Variants in TENM3 observed in about 807,000 individuals in gnomAD.
TENM3 encodes the protein teneurin-3.
A neutral mutation model predicts 255.1 loss-of-function variants in TENM3; 63 were observed. The ratio of observed to expected loss-of-function variants is 0.25; its 90% CI spans 0.20 to 0.30. The LOEUF is 0.30. Among genes scored for constraint, TENM3 ranks in the 10% least tolerant of loss-of-function variants. The pLI is 1.00. For synonymous variants in TENM3, 1,306 were observed against 1,322.3 expected (o/e 0.99, Z 0.27); for missense variants, 2,929 against 3,461.1 (o/e 0.85, Z 3.86).
the TENM3 span, among the ~76,000 whole-genome samples, chr4:181,460,678 C>CTTTTTTTTTTTTTTTTTTTTTT: frequency 7.3e-6 from 1 of 136,862 alleles, no homozygotes; most frequent in Non-Finnish European, 1.5e-5. Flanking sequence ...AGCTATAGTT[C>CTTTTTTTTTTTTTTTTTTTTTT]TTTTTTTTTT....
chr4:182,448,709 G>A (rs2151300126), intron 3 of TENM3, among the ~76,000 whole-genome samples: 1 of 152,158 alleles, frequency 6.6e-6, no homozygotes, highest in Non-Finnish European at 1.5e-5. Context: ...CGGGGTCTTC[G>A]GAGGGTGCCG....
chr4:181,953,032 G>A, the TENM3 span, among the ~76,000 whole-genome samples: 1 of 152,156 alleles, frequency 6.6e-6, no homozygotes, highest in Non-Finnish European at 1.5e-5. Context: ...CTCACACAAA[G>A]ATCCTGAAAC....
the TENM3 span, among the ~76,000 whole-genome samples, chr4:181,495,902 TAAAA>T: frequency 5.9e-4 from 69 of 116,852 alleles, 1 homozygote; most frequent in Admixed American, 1.2e-3. Context: ...AGAGACAAAT[TAAAA>T]AAAAAAAAAA....
rs1305387549 is a variant in TENM3 at position 182,799,707 on chromosome 4, T to C, written c.7456T>C (p.Trp2486Arg). Residue 2486 changes from tryptophan to arginine, a missense_variant, in exon 28 of 28, where the codon TGG becomes CGG. Physicochemically the swap from Trp to Arg is moderately radical, Grantham distance 101. This residue lies in a region of TENM3 where 476 missense variants were observed against 480.1 expected (regional missense o/e 0.99). Coordinates refer to ENST00000511685, the MANE Select transcript of TENM3 (RefSeq NM_001080477.4). This position sits in a 1 kb window ranked among gnomAD's most constrained non-coding sequence, Gnocchi z 4.2. ...SRRRAGGAQS[W>R]LWFATVKSLI... ...GCGCCGGGCCGGCGGCGCGCAGTCC[T>C]GGCTGTGGTTCGCCACGGTCAAGTC... is the stretch of plus-strand genomic sequence containing the variant. The C allele has an allele frequency of 6.4e-7, 1 of 1,551,124 alleles. No homozygotes were observed. The highest frequency in any genetic ancestry group is 1.2e-5 in the South Asian group (1 of 84,044).
chr4:182,628,913 C>T, intron 5 of TENM3, 24 bp downstream of exon 5: 10 of 1,366,972 alleles, frequency 7.3e-6, no homozygotes, highest in Non-Finnish European at 9.2e-6. Flanking sequence ...CTTAGAATTA[C>T]TTTGTCTGTA....
chr4:182,537,509 A>G (rs748631602), intron 3 of TENM3, among the ~76,000 whole-genome samples: 7 of 152,172 alleles, frequency 4.6e-5, no homozygotes, highest in African/African-American at 9.7e-5. Flanking sequence ...CAAGTAAACT[A>G]TTTATTTACC....
chr4:182,551,760 C>T (rs2151935976), intron 3 of TENM3, among the ~76,000 whole-genome samples: 1 of 152,128 alleles, frequency 6.6e-6, no homozygotes, highest in African/African-American at 2.4e-5. Context: ...GTAGCTCACA[C>T]CTGTAATCCC....
chr4:182,633,694 C>T (rs112325027), intron 5 of TENM3, among the ~76,000 whole-genome samples: 4,010 of 152,348 alleles, frequency 0.026, 76 homozygotes, highest in Non-Finnish European at 0.04. Flanking sequence ...CCACAACAAC[C>T]TTAGGAGGTT....
intron 1 of TENM3, among the ~76,000 whole-genome samples, chr4:182,290,524 A>G (rs561948702): frequency 4.1e-4 from 63 of 152,274 alleles, no homozygotes; most frequent in African/African-American, 1.5e-3. Context: ...TTTTAATTTG[A>G]GACAGTCTTG....
At chr4:181,860,939 G>T in the TENM3 span, among the ~76,000 whole-genome samples, 1 of 152,064 alleles carries the variant, frequency 6.6e-6, no homozygotes, top group African/African-American at 2.4e-5. Context: ...ATACTCAAAG[G>T]TATCGCTCCA....
chr4:181,724,191 T>C, the TENM3 span, among the ~76,000 whole-genome samples: 1 of 152,244 alleles, frequency 6.6e-6, no homozygotes, highest in Non-Finnish European at 1.5e-5. Context: ...GCTGGTTTTG[T>C]TGTGGGTAAG....
intron 3 of TENM3, among the ~76,000 whole-genome samples, chr4:182,449,820 C>G (rs962798259): frequency 6.6e-6 from 1 of 152,198 alleles, no homozygotes; most frequent in African/African-American, 2.4e-5. Context: ...ATGCAGGCTA[C>G]TCCTGTGCAA....
chr4:182,473,893 G>A (rs927777738), intron 3 of TENM3, among the ~76,000 whole-genome samples: 1 of 152,026 alleles, frequency 6.6e-6, no homozygotes, highest in African/African-American at 2.4e-5. Context: ...AGGAGTTCAA[G>A]GTTGCAGTGA....
rs139113457 is a variant in TENM3, at chr4:182,671,167, C to T, written c.1112-1838C>T. On this transcript the variant is annotated intron_variant, in intron 6 of 27. Transcript: ENST00000511685. ...GACGCTGCAGCTTGCCCTTGATGCA[C>T]CAAACCTCATGGAATCCTTGTAACG... Among the ~76,000 whole-genome samples the T allele has an allele frequency of 4.9e-3, 745 of 152,264 alleles. 3 individuals are homozygous for T. The highest frequency in any genetic ancestry group is 8.2e-3 in the Admixed American group (126 of 15,296).
chr4:181,558,859 G>T, the TENM3 span, among the ~76,000 whole-genome samples: 1 of 152,282 alleles, frequency 6.6e-6, no homozygotes, highest in Admixed American at 6.5e-5. Flanking sequence ...TATGCAAAAA[G>T]AAATATTGTA....
intron 22 of TENM3, among the ~76,000 whole-genome samples, chr4:182,771,541 A>G (rs986112720): frequency 6.6e-6 from 1 of 151,708 alleles, no homozygotes; most frequent in Non-Finnish European, 1.5e-5. Flanking sequence ...TCCTATGTAG[A>G]GGCATTCAAA....
chr4:182,620,616 G>A (rs11723298), intron 4 of TENM3, among the ~76,000 whole-genome samples: 53,647 of 152,112 alleles, frequency 0.35, 10,040 homozygotes, highest in Non-Finnish European at 0.39. Context: ...GACACCATTT[G>A]TTTGTAAGTA....
At chr4:182,737,332 T>C (rs1257242662) in intron 17 of TENM3, among the ~76,000 whole-genome samples, 1 of 152,208 alleles carries the variant, frequency 6.6e-6, no homozygotes, top group African/African-American at 2.4e-5. Context: ...GGTTTCAGCT[T>C]GTCACATCCT....
chr4:181,456,375 C>G, the TENM3 span, among the ~76,000 whole-genome samples: 2 of 151,742 alleles, frequency 1.3e-5, no homozygotes, highest in Non-Finnish European at 2.9e-5. Flanking sequence ...CCGATTTGTT[C>G]TGATGTTGAC....
Sources: allele counts gnomAD v4.1 joint callset (sites outside exome capture counted in the v4.1 genomes callset), GRCh38; gene constraint gnomAD v4.1.1; regional missense constraint gnomAD v4.1.1; non-coding constraint Gnocchi (gnomAD v3.1); transcripts MANE v1.5; gene names NCBI Gene and HGNC (gene_info 2026-07-23, HGNC 2026-07-21).